ATXN7L1: variants seen among roughly 807,000 people sequenced by gnomAD.
ATXN7L1 encodes ataxin 7 like 1.
Under a neutral mutation model 70.8 loss-of-function variants are expected in ATXN7L1, and 15 were observed. The ratio of observed to expected loss-of-function variants is 0.21; its 90% CI spans 0.14 to 0.33. The LOEUF (loss-of-function observed/expected upper bound fraction) is 0.33, where lower values mean the gene tolerates loss of function less well. Ranked by LOEUF, ATXN7L1 falls within the 10% of genes least tolerant of loss-of-function variation. ATXN7L1 has a pLI of 1.00. For missense variants in ATXN7L1, 975 were observed against 1,097.1 expected, an observed-to-expected ratio of 0.89 and a Z score of 1.57; for synonymous variants, 440 against 445.1, an observed-to-expected ratio of 0.99 and a Z score of 0.14.
At chr7:105,619,636 G>C (rs563817432) in intron 9 of ATXN7L1, among the ~76,000 whole-genome samples, 71 of 143,346 alleles carry the variant, frequency 5.0e-4, no homozygotes, top group African/African-American at 1.8e-3. Context: ...CTGTGACCTT[G>C]AACTCTTGGC....
chr7:105,618,532 G>T (rs1171324171), intron 9 of ATXN7L1, among the ~76,000 whole-genome samples: 4 of 152,108 alleles, frequency 2.6e-5, no homozygotes, highest in Admixed American at 2.6e-4. Context: ...AGCTCTTTAG[G>T]CTTCCAGAAA....
At position 105,858,176 on chromosome 7, in the gene ATXN7L1, A is replaced by G. The variant is rs562211744; in HGVS notation, c.250+17636T>C. Among the ~76,000 whole-genome samples the G allele has an allele frequency of 2.0e-5, 3 of 152,256 alleles. No homozygotes were observed. The South Asian group carries it at 6.2e-4, about 32-fold the overall frequency. ...AATCAAGGAGGTCAAGGCTGCAGTGAGCTATGATCATGCCACTGCACTTCA... is the reference window on the plus strand; with the variant it reads ...AATCAAGGAGGTCAAGGCTGCAGTGGGCTATGATCATGCCACTGCACTTCA... On this transcript the variant is annotated intron_variant, in intron 2 of 11. Transcript: ENST00000419735.
At chr7:105,805,323 G>C (rs1050575839) in intron 2 of ATXN7L1, among the ~76,000 whole-genome samples, 1 of 152,188 alleles carries the variant, frequency 6.6e-6, no homozygotes, top group African/African-American at 2.4e-5. Flanking sequence ...GTGGGAAGGA[G>C]AACGCCAGCT....
intron 4 of ATXN7L1, among the ~76,000 whole-genome samples, chr7:105,664,628 T>C (rs550378913): frequency 6.7e-6 from 1 of 150,284 alleles, no homozygotes; most frequent in African/African-American, 2.5e-5. Context: ...TGGAGTGCAG[T>C]GGCGTGATCT....
At chr7:105,837,277 A>G (rs1199880955) in intron 2 of ATXN7L1, among the ~76,000 whole-genome samples, 1 of 152,116 alleles carries the variant, frequency 6.6e-6, no homozygotes, top group African/African-American at 2.4e-5. Context: ...CAAATATCCA[A>G]ACTATATCAT....
intron 3 of ATXN7L1, among the ~76,000 whole-genome samples, chr7:105,733,673 T>TCCACCCAC (rs1796959212): frequency 2.7e-5 from 3 of 110,808 alleles, no homozygotes; most frequent in Non-Finnish European, 5.8e-5. Context: ...CATCCATCCA[T>TCCACCCAC]CCATCCACCC....
At chr7:105,757,563 A>T (rs1414642224) in intron 3 of ATXN7L1, among the ~76,000 whole-genome samples, 3 of 124,222 alleles carry the variant, frequency 2.4e-5, no homozygotes, top group Non-Finnish European at 5.1e-5. Flanking sequence ...TTACCATCCT[A>T]GTCTACCTTT....
intron 3 of ATXN7L1, among the ~76,000 whole-genome samples, chr7:105,787,542 G>A (rs757643293): frequency 1.3e-5 from 2 of 152,012 alleles, no homozygotes; most frequent in Admixed American, 6.6e-5. Flanking sequence ...ACATATACAC[G>A]TGTTTGCAGT....
chr7:105,727,750 A>ATG (rs1796015389), intron 3 of ATXN7L1, among the ~76,000 whole-genome samples: 2 of 75,626 alleles, frequency 2.6e-5, no homozygotes, highest in East Asian at 5.5e-4. Flanking sequence ...ATGTGTGTAT[A>ATG]TATATATATA....
intron 3 of ATXN7L1, among the ~76,000 whole-genome samples, chr7:105,666,204 C>T (rs975805509): frequency 6.6e-6 from 1 of 152,178 alleles, no homozygotes; most frequent in Non-Finnish European, 1.5e-5. Context: ...AAACTTTGTA[C>T]ATGATTACAG....
chr7:105,737,897 G>A (rs1212068630), intron 3 of ATXN7L1, among the ~76,000 whole-genome samples: 2 of 152,142 alleles, frequency 1.3e-5, no homozygotes, highest in Non-Finnish European at 2.9e-5. Flanking sequence ...TTGGGGCCAT[G>A]AGTTCCAATG....
At chr7:105,636,261 G>A (rs959766622) in intron 7 of ATXN7L1, among the ~76,000 whole-genome samples, 6 of 152,084 alleles carry the variant, frequency 3.9e-5, no homozygotes, top group South Asian at 2.1e-4. Context: ...CAGGCATGGC[G>A]GCACACGCCT....
At chr7:105,823,751 G>A (rs1219221569) in intron 2 of ATXN7L1, among the ~76,000 whole-genome samples, 2 of 152,214 alleles carry the variant, frequency 1.3e-5, no homozygotes, top group Non-Finnish European at 1.5e-5. Flanking sequence ...ACATGTTTTT[G>A]GAAGACAGGT....
rs1387984125 is a variant in ATXN7L1, at chr7:105,607,125, C to T, written c.*727G>A. ...CCACCTTCCCAAACCTGTTCTGGCC[C>T]CTGTCCCTGACTGGTTTATCCTTTC... is the stretch of plus-strand genomic sequence containing the variant. On this transcript the variant is annotated 3_prime_UTR_variant, in exon 12 of 12. Coordinates refer to ENST00000419735, the MANE Select transcript of ATXN7L1 (RefSeq NM_020725.2). 1 of 152,634 alleles carries T rather than the reference C, an allele frequency of 6.6e-6. No individual in the cohort carries two copies. The highest frequency in any genetic ancestry group is 1.9e-4 in the East Asian group (1 of 5,208). The allele number at this position is 152,634 out of a possible 1,614,324, so 9.5% of individuals were successfully genotyped here. A position where few individuals can be genotyped will look rare whatever the true frequency, so the allele number is the denominator to read the frequency against.
rs571310108 is a variant in ATXN7L1 at position 105,749,644 on chromosome 7, A to G, written c.355+38960T>C. ...GTCTCAAAAAAAAAAAAAGAGTGAG[A>G]GGTTGTATCCCTTAATATCCCTGGA... On this transcript the variant is annotated intron_variant, in intron 3 of 11. Transcript: ENST00000419735. Among the ~76,000 whole-genome samples the G allele has an allele frequency of 4.0e-5, 6 of 150,470 alleles. No homozygotes were observed. The South Asian group carries it at 1.1e-3, about 26-fold the overall frequency.
intron 4 of ATXN7L1, among the ~76,000 whole-genome samples, chr7:105,656,571 TCTTC>T (rs1327474455): frequency 1.3e-4 from 16 of 125,214 alleles, no homozygotes; most frequent in African/African-American, 5.2e-4. Flanking sequence ...CCTTTCTTCT[TCTTC>T]CTTTTTTTTT....
intron 2 of ATXN7L1, among the ~76,000 whole-genome samples, chr7:105,848,667 AG>A (rs1751528382): frequency 1.3e-5 from 2 of 152,220 alleles, no homozygotes. Flanking sequence ...ACAGGGGTAT[AG>A]GCTAGCTTTT....
intron 2 of ATXN7L1, among the ~76,000 whole-genome samples, chr7:105,871,681 GC>G (rs1818292294): frequency 6.7e-6 from 1 of 149,432 alleles, no homozygotes; most frequent in African/African-American, 2.5e-5. Context: ...TTGCACTCCA[GC>G]CTGGGCAACA....
chr7:105,788,083 C>T (rs1332903614), intron 3 of ATXN7L1: 1 of 152,766 alleles, frequency 6.5e-6, no homozygotes, highest in Non-Finnish European at 1.5e-5. Flanking sequence ...CCCAACCCCA[C>T]CTGGGATTTT....
Sources: gnomAD v4.1 joint callset for allele counts (sites outside exome capture counted in the v4.1 genomes callset) on GRCh38, gnomAD v4.1.1 for gene constraint, MANE v1.5 for transcripts, NCBI Gene and HGNC (gene_info 2026-07-23, HGNC 2026-07-21) for gene names.